Variants in ADCY3 observed in about 807,000 individuals in gnomAD.
The protein encoded by ADCY3 is adenylate cyclase 3.
Under a neutral mutation model 119.4 loss-of-function variants are expected in ADCY3, and 70 were observed. The ratio of observed to expected loss-of-function variants is 0.59; its 90% CI spans 0.48 to 0.72. The LOEUF is 0.72. Ranked by LOEUF, ADCY3 falls within the 30% of genes least tolerant of loss-of-function variation. The pLI is 0.00. For synonymous variants in ADCY3, 672 were observed against 621.4 expected, an observed-to-expected ratio of 1.08 and a Z score of -1.21; for missense variants, 1,238 against 1,541.6, an observed-to-expected ratio of 0.80 and a Z score of 3.30.
At chr2:24,853,467 CTTTTTTTTT>C (rs745408152) in intron 3 of ADCY3, among the ~76,000 whole-genome samples, 1 of 115,238 alleles carries the variant, frequency 8.7e-6, no homozygotes. Flanking sequence ...CGCGCCTCAT[CTTTTTTTTT>C]TTTTTTTTTT....
chr2:24,847,821 G>T (rs925609506), intron 3 of ADCY3, among the ~76,000 whole-genome samples: 3 of 152,276 alleles, frequency 2.0e-5, no homozygotes, highest in East Asian at 1.9e-4. Context: ...GCAGACAGCT[G>T]CTGGGAGTCC....
intron 3 of ADCY3, among the ~76,000 whole-genome samples, chr2:24,870,808 T>G (rs1310547015): frequency 6.6e-6 from 1 of 152,142 alleles, no homozygotes; most frequent in African/African-American, 2.4e-5. Flanking sequence ...AAAAGCTCTA[T>G]GGGTTACAAA....
Position 24,878,684 on chromosome 2 carries a change from C to G in ADCY3, c.676-5965G>C, listed in dbSNP as rs1172331243. On this transcript the variant is annotated intron_variant, in intron 2 of 21. Coordinates refer to ENST00000679454, the MANE Select transcript of ADCY3 (RefSeq NM_004036.5). This position sits in a 1 kb window ranked among gnomAD's most constrained non-coding sequence, Gnocchi z 4.0. Reference sequence around the variant, plus strand: ...CCCCTCCAAAGGCAACCAGCCTTCTCCCACCCAAGGAGGCCCAGCCAGAGC... The same window carrying G: ...CCCCTCCAAAGGCAACCAGCCTTCTGCCACCCAAGGAGGCCCAGCCAGAGC... 3.9e-5 allele frequency among the ~76,000 whole-genome samples: 6 copies of G among 152,206 alleles called. No homozygotes were observed. Among genetic ancestry groups the G allele is most frequent in the Admixed American group, 3.9e-4 (6 of 15,290 alleles).
At chr2:24,897,557 C>T (rs561449893) in intron 2 of ADCY3, among the ~76,000 whole-genome samples, 200 of 152,264 alleles carry the variant, frequency 1.3e-3, no homozygotes, top group African/African-American at 4.6e-3. Flanking sequence ...GTGCCCGGCG[C>T]GAAACAGGTG....
At chr2:24,870,337 A>AG (rs1344245680) in intron 3 of ADCY3, among the ~76,000 whole-genome samples, 4 of 146,778 alleles carry the variant, frequency 2.7e-5, no homozygotes, top group African/African-American at 7.5e-5. Flanking sequence ...AAAAAAAAAA[A>AG]AAAGAAAGAA....
chr2:24,835,582 C>T (rs925128998), intron 9 of ADCY3, among the ~76,000 whole-genome samples: 1 of 152,110 alleles, frequency 6.6e-6, no homozygotes, highest in Non-Finnish European at 1.5e-5. Context: ...TCTGAATAGT[C>T]ACTGAGACGG....
intron 21 of ADCY3, 198 bp from the exon 22 acceptor site, chr2:24,820,312 C>G (rs924779249): frequency 3.8e-6 from 5 of 1,305,866 alleles, no homozygotes; most frequent in Non-Finnish European, 2.9e-6. Context: ...GAGTGACTGG[C>G]TGGGGGCCTC....
intron 2 of ADCY3, among the ~76,000 whole-genome samples, chr2:24,880,868 A>G (rs953325481): frequency 4.6e-5 from 7 of 152,194 alleles, no homozygotes; most frequent in Non-Finnish European, 8.8e-5. Flanking sequence ...TACAAAAATT[A>G]GCTGGGTGTT....
chr2:24,918,130 C>T lies in ADCY3; in HGVS notation c.675+183G>A, dbSNP rs576230133. Among the ~76,000 whole-genome samples, 1 of 152,326 alleles carries T rather than the reference C, an allele frequency of 6.6e-6. No individual in the cohort carries two copies. The highest frequency in any genetic ancestry group is 1.9e-4 in the East Asian group (1 of 5,178). Reference sequence around the variant, plus strand: ...ATCCTCCTTTCCCTGGGGCCAAGCACAGGCAGACTCCGGGTAATGGCACAG... The same window carrying T: ...ATCCTCCTTTCCCTGGGGCCAAGCATAGGCAGACTCCGGGTAATGGCACAG... On this transcript the variant is annotated intron_variant, in intron 2 of 21. Transcript: ENST00000679454. The surrounding 1 kb of genome is among the most constrained non-coding windows in gnomAD (Gnocchi z 5.4).
rs770680230 is a variant in ADCY3, at chr2:24,824,550, C to A, written c.2578-14G>T. 6.2e-7 allele frequency: 1 copy of A among 1,613,388 alleles called. No homozygotes were observed. The highest frequency in any genetic ancestry group is 1.1e-5 in the South Asian group (1 of 91,030). On this transcript the variant is annotated splice_polypyrimidine_tract_variant and intron_variant, in intron 16 of 21. Coordinates refer to ENST00000679454, the MANE Select transcript of ADCY3 (RefSeq NM_004036.5). ...CAGTTTTTCTACCTACAGACACAGA[C>A]AAGGCGAGGCATGTGCTCTAAGCTG...
At chr2:24,876,462 T>C (rs1675725381) in intron 2 of ADCY3, among the ~76,000 whole-genome samples, 1 of 152,368 alleles carries the variant, frequency 6.6e-6, no homozygotes, top group Admixed American at 6.5e-5. Context: ...GTGGTGGCCA[T>C]TATCTCTAAG....
At chr2:24,848,699 C>T (rs541662798) in intron 3 of ADCY3, among the ~76,000 whole-genome samples, 62 of 152,314 alleles carry the variant, frequency 4.1e-4, no homozygotes, top group African/African-American at 1.5e-3. Context: ...CATAGTCCAG[C>T]TTTTCCTACA....
intron 3 of ADCY3, among the ~76,000 whole-genome samples, chr2:24,855,463 G>T (rs1020089274): frequency 6.6e-6 from 1 of 152,234 alleles, no homozygotes. Context: ...AGGCTGGACC[G>T]GAGGAGGGGG....
chr2:24,858,790 C>T (rs934086444), intron 3 of ADCY3, among the ~76,000 whole-genome samples: 1 of 152,230 alleles, frequency 6.6e-6, no homozygotes, highest in Non-Finnish European at 1.5e-5. Context: ...GCCACACAGC[C>T]CATGCATGGG....
intron 14 of ADCY3, 85 bp downstream of exon 14, chr2:24,827,817 C>A: frequency 6.3e-7 from 1 of 1,581,894 alleles, no homozygotes; most frequent in Non-Finnish European, 8.6e-7. Flanking sequence ...AAAGCCACCT[C>A]AGCACAGGCC....
chr2:24,842,211 C>A lies in ADCY3; in HGVS notation c.956+43G>T. 6.2e-7 allele frequency: 1 copy of A among 1,612,070 alleles called. No individual in the cohort carries two copies. Among genetic ancestry groups the A allele is most frequent in the African/African-American group, 1.3e-5 (1 of 75,054 alleles). On this transcript the variant is annotated intron_variant, in intron 4 of 21. Transcript: ENST00000679454. The surrounding 1 kb of genome is among the most constrained non-coding windows in gnomAD (Gnocchi z 4.9). ...GGTCCCACAAAGATGCAGCCCTCCACAGCCTGCTCTGCCATCAGAGCCCGC... is the reference window on the plus strand; with the variant it reads ...GGTCCCACAAAGATGCAGCCCTCCAAAGCCTGCTCTGCCATCAGAGCCCGC...
At chr2:24,853,008 GTGTGTGTGTGT>G (rs1672538366) in intron 3 of ADCY3, among the ~76,000 whole-genome samples, 1,285 of 87,566 alleles carry the variant, frequency 0.015, 42 homozygotes, top group East Asian at 0.05. Flanking sequence ...GCTGGAGGGT[GTGTGTGTGTGT>G]GTGTGTGTGT....
At chr2:24,891,409 G>C (rs2148935298) in intron 2 of ADCY3, among the ~76,000 whole-genome samples, 1 of 152,240 alleles carries the variant, frequency 6.6e-6, no homozygotes, top group East Asian at 1.9e-4. Flanking sequence ...CTACCCACCT[G>C]TGAGTCACTT....
In ADCY3 at chr2:24,918,639, A is replaced by T; in HGVS notation, c.349T>A (p.Leu117Met). 4.3e-6 allele frequency: 7 copies of T among 1,614,124 alleles called. No homozygotes were observed. Among genetic ancestry groups the T allele is most frequent in the Non-Finnish European group, 3.4e-6 (4 of 1,180,034 alleles). ...CAGAGCACGAAGAGGATGATGTCCA[A>T]CACCAGTCCAATTCCAGCCACGGCG... is the stretch of plus-strand genomic sequence containing the variant. ...SLAVAGIGLV[L>M]DIILFVLCKK... Residue 117 changes from leucine to methionine, a missense_variant, in exon 2 of 22, where the codon TTG becomes ATG. Leu to Met is a conservative substitution (Grantham distance 15, BLOSUM62 2). Coordinates refer to ENST00000679454, the MANE Select transcript of ADCY3 (RefSeq NM_004036.5). The surrounding 1 kb of genome is among the most constrained non-coding windows in gnomAD (Gnocchi z 5.4).
Sources: gnomAD v4.1 joint callset for allele counts (sites outside exome capture counted in the v4.1 genomes callset) on GRCh38, gnomAD v4.1.1 for gene constraint, Gnocchi (gnomAD v3.1) non-coding constraint, MANE v1.5 for transcripts, NCBI Gene and HGNC (gene_info 2026-07-23, HGNC 2026-07-21) for gene names.